The following OSTN variants were observed in gnomAD, a reference collection of about 807,000 sequenced individuals.
The protein encoded by OSTN is osteocrin.
A neutral mutation model predicts 12.0 loss-of-function variants in OSTN; 9 were observed. The observed-to-expected ratio is 0.75, with a 90% CI of 0.45 to 1.30. OSTN has a LOEUF of 1.30. Ranked by LOEUF, OSTN falls within the 50% of genes most tolerant of loss-of-function variation. The pLI is 0.00. For synonymous variants in OSTN, 59 were observed against 56.9 expected, an observed-to-expected ratio of 1.04 and a Z score of -0.16; for missense variants, 148 against 152.3, an observed-to-expected ratio of 0.97 and a Z score of 0.15.
At chr3:191,231,449 A>C in intron 3 of OSTN, among the ~76,000 whole-genome samples, 1 of 152,126 alleles carries the variant, frequency 6.6e-6, no homozygotes, top group East Asian at 1.9e-4. Context: ...CAAACTTTTC[A>C]TAAAAATAAA....
At chr3:191,242,196 A>C (rs764275418) in intron 3 of OSTN, among the ~76,000 whole-genome samples, 11 of 152,190 alleles carry the variant, frequency 7.2e-5, no homozygotes, top group Non-Finnish European at 1.6e-4. Context: ...TTAATAATAG[A>C]AGGAAACTTT....
intron 3 of OSTN, among the ~76,000 whole-genome samples, chr3:191,237,028 GA>G (rs1165468948): frequency 3.3e-5 from 5 of 152,122 alleles, no homozygotes; most frequent in African/African-American, 9.7e-5. Flanking sequence ...TTTCTTTGCA[GA>G]AAGTAGCTTT....
chr3:191,228,783 C>T (rs1714977278), intron 3 of OSTN: 1 of 152,150 alleles, frequency 6.6e-6, no homozygotes, highest in African/African-American at 2.4e-5. Flanking sequence ...ATTTTTCCAT[C>T]TAAAACAATC....
At chr3:191,231,409 A>G (rs1715050420) in intron 3 of OSTN, among the ~76,000 whole-genome samples, 1 of 152,112 alleles carries the variant, frequency 6.6e-6, no homozygotes. Context: ...TGACGTATTT[A>G]GTAACAAGAA....
intron 4 of OSTN, among the ~76,000 whole-genome samples, chr3:191,260,943 A>C (rs1338141121): frequency 6.6e-6 from 1 of 152,238 alleles, no homozygotes; most frequent in Non-Finnish European, 1.5e-5. Flanking sequence ...AAGTTAAGTC[A>C]CATAAATCTT....
intron 3 of OSTN, among the ~76,000 whole-genome samples, chr3:191,245,233 T>C (rs890659444): frequency 6.6e-6 from 1 of 152,218 alleles, no homozygotes; most frequent in African/African-American, 2.4e-5. Flanking sequence ...ATGTGAACCC[T>C]GAGAGGTAAC....
At chr3:191,219,085 A>G (rs1714698225) in intron 3 of OSTN, 124 bp downstream of exon 3, 2 of 852,292 alleles carry the variant, frequency 2.3e-6, no homozygotes, top group African/African-American at 3.4e-5. Flanking sequence ...ATTTGACGGT[A>G]TGTTAGCTAA....
At chr3:191,206,280 G>A (rs1403107241) in intron 1 of OSTN, among the ~76,000 whole-genome samples, 1 of 151,712 alleles carries the variant, frequency 6.6e-6, no homozygotes, top group African/African-American at 2.4e-5. Context: ...CTCTGAAATT[G>A]GAATTAGTCT....
chr3:191,212,701 A>G (rs1168046078), intron 2 of OSTN, 67 bp downstream of exon 2: 1 of 440,616 alleles, frequency 2.3e-6, no homozygotes, highest in African/African-American at 2.1e-5. Context: ...ACATGTTTGT[A>G]TATAAAAGAA....
intron 3 of OSTN, among the ~76,000 whole-genome samples, chr3:191,225,463 C>G (rs1419031540): frequency 6.6e-6 from 1 of 151,858 alleles, no homozygotes; most frequent in East Asian, 1.9e-4. Context: ...TTCCAAATTC[C>G]TTTCCTGAAA....
chr3:191,203,745 G>A (rs1205589309), intron 1 of OSTN, among the ~76,000 whole-genome samples: 2 of 152,178 alleles, frequency 1.3e-5, no homozygotes, highest in African/African-American at 2.4e-5. Flanking sequence ...GGTTATACTC[G>A]AAAGAGCATG....
intron 3 of OSTN, among the ~76,000 whole-genome samples, chr3:191,230,366 C>A (rs1262917838): frequency 6.6e-6 from 1 of 150,826 alleles, no homozygotes; most frequent in Non-Finnish European, 1.5e-5. Flanking sequence ...GAGATCGAGA[C>A]CATTCTGGTC....
chr3:191,214,872 T>C (rs1714567983), intron 2 of OSTN, among the ~76,000 whole-genome samples: 1 of 151,706 alleles, frequency 6.6e-6, no homozygotes, highest in African/African-American at 2.4e-5. Flanking sequence ...ATTAGCTGGG[T>C]GTGATGGTGA....
intron 3 of OSTN, among the ~76,000 whole-genome samples, chr3:191,236,501 T>G (rs921809124): frequency 5.9e-5 from 9 of 151,646 alleles, no homozygotes; most frequent in Admixed American, 3.9e-4. Context: ...AGAGGAGGAA[T>G]GCGTCCATTT....
At chr3:191,222,337 A>G (rs887311264) in intron 3 of OSTN, among the ~76,000 whole-genome samples, 1 of 152,048 alleles carries the variant, frequency 6.6e-6, no homozygotes, top group African/African-American at 2.4e-5. Context: ...AAAGCAGCCA[A>G]GAGGGGATGA....
chr3:191,227,268 C>G (rs1714936946), intron 3 of OSTN, among the ~76,000 whole-genome samples: 1 of 152,014 alleles, frequency 6.6e-6, no homozygotes, highest in African/African-American at 2.4e-5. Flanking sequence ...GAAAAAAGTG[C>G]ACTATGATTT....
chr3:191,249,399 T>G (rs186363243), intron 3 of OSTN, among the ~76,000 whole-genome samples: 25 of 152,350 alleles, frequency 1.6e-4, no homozygotes, highest in African/African-American at 6.0e-4. Context: ...GAAGTTATAT[T>G]AGACCTTTGG....
At chr3:191,230,757 T>C (rs1186733579) in intron 3 of OSTN, among the ~76,000 whole-genome samples, 1 of 152,124 alleles carries the variant, frequency 6.6e-6, no homozygotes, top group Non-Finnish European at 1.5e-5. Flanking sequence ...AGAACCCATA[T>C]AACGTTAATC....
Position 191,227,409 on chromosome 3 carries a change from T to C in OSTN, c.317+8448T>C, listed in dbSNP as rs370029698. On this transcript the variant is annotated intron_variant, in intron 3 of 4. Transcript: ENST00000682035. ...ATTGGAGTGCAAAATGGAACCCACATGGAGGGGAATATGGCAATATCCAGC... is the reference window on the plus strand; with the variant it reads ...ATTGGAGTGCAAAATGGAACCCACACGGAGGGGAATATGGCAATATCCAGC... Among the ~76,000 whole-genome samples the C allele has an allele frequency of 1.0e-3, 154 of 152,276 alleles. 6 individuals are homozygous for C. The South Asian group carries it at 0.032, about 31-fold the overall frequency.
Sources: allele counts gnomAD v4.1 joint callset (sites outside exome capture counted in the v4.1 genomes callset), GRCh38; gene constraint gnomAD v4.1.1; transcripts MANE v1.5; gene names NCBI Gene and HGNC (gene_info 2026-07-23, HGNC 2026-07-21).